The following ALLC variants were observed in gnomAD, a reference collection of about 807,000 sequenced individuals.
The protein encoded by ALLC is allantoicase.
Under a neutral mutation model 45.0 loss-of-function variants are expected in ALLC, and 40 were observed. The ratio of observed to expected loss-of-function variants is 0.89; its 90% confidence interval spans 0.69 to 1.16. The LOEUF (loss-of-function observed/expected upper bound fraction) is 1.16. Ranked by LOEUF, ALLC falls within the 50% of genes most tolerant of loss-of-function variation. The pLI, the probability that ALLC is intolerant of heterozygous loss-of-function variation, is 0.00. For missense variants in ALLC, 488 were observed against 493.1 expected, an observed-to-expected ratio of 0.99 and a Z score of 0.10; for synonymous variants, 176 against 178.1, an observed-to-expected ratio of 0.99 and a Z score of 0.09.
At chr2:3,675,275 C>T (rs187803035) in intron 3 of ALLC, among the ~76,000 whole-genome samples, 227 of 151,786 alleles carry the variant, frequency 1.5e-3, no homozygotes, top group Non-Finnish European at 2.8e-3. Flanking sequence ...CTGTAGTCCC[C>T]GCTACTCAGA....
intron 7 of ALLC, among the ~76,000 whole-genome samples, chr2:3,690,460 C>G (rs1667484013): frequency 1.1e-5 from 1 of 93,462 alleles, no homozygotes; most frequent in Non-Finnish European, 2.1e-5. Context: ...CCCTCCCCTC[C>G]CTTTCCTTTC....
At chr2:3,695,695 C>T (rs1228648785) in intron 7 of ALLC, 22 bp from the exon 8 acceptor site, 1 of 1,613,758 alleles carries the variant, frequency 6.2e-7, no homozygotes, top group Non-Finnish European at 8.5e-7. Flanking sequence ...CAAACAATAA[C>T]TAAGGCACCT....
chr2:3,651,433 GTGTGTGTGT>G, the ALLC span, among the ~76,000 whole-genome samples: 10 of 60,988 alleles, frequency 1.6e-4, no homozygotes, highest in Admixed American at 4.7e-4. Context: ...GTGTGTGTGT[GTGTGTGTGT>G]TAGGAAGGGA....
At chr2:3,652,284 C>T in the ALLC span, among the ~76,000 whole-genome samples, 4,512 of 152,326 alleles carry the variant, frequency 0.03, 188 homozygotes, top group African/African-American at 0.094. Context: ...TCACTAGCTT[C>T]CTGTGCAGAG....
chr2:3,669,057 C>G (rs1352547130), intron 1 of ALLC, among the ~76,000 whole-genome samples: 1 of 152,112 alleles, frequency 6.6e-6, no homozygotes, highest in African/African-American at 2.4e-5. Flanking sequence ...ATAATTCCGG[C>G]CAGGCACAGT....
At chr2:3,674,049 CTTT>C in intron 2 of ALLC, 23 bp from the exon 3 acceptor site, 1 of 794,052 alleles carries the variant, frequency 1.3e-6, no homozygotes, top group Non-Finnish European at 1.8e-6. Flanking sequence ...GTTGCTTTAT[CTTT>C]CTTTCTTTCT....
At chr2:3,676,928 C>T (rs543070033) in intron 3 of ALLC, among the ~76,000 whole-genome samples, 20 of 152,200 alleles carry the variant, frequency 1.3e-4, no homozygotes, top group Non-Finnish European at 2.1e-4. Flanking sequence ...GCTGGGACTA[C>T]AGGCACCCGC....
chr2:3,683,200 T>G, intron 7 of ALLC, 126 bp downstream of exon 7: 1 of 1,089,734 alleles, frequency 9.2e-7, no homozygotes, highest in Non-Finnish European at 1.3e-6. Context: ...TTCAGGATTG[T>G]AATTTCTCCT....
the ALLC span, among the ~76,000 whole-genome samples, chr2:3,652,729 T>C: frequency 6.6e-6 from 1 of 151,886 alleles, no homozygotes; most frequent in African/African-American, 2.4e-5. Flanking sequence ...ACTATAGGCG[T>C]GTGCCACATG....
chr2:3,695,804 CCAT>C lies in ALLC; in HGVS notation c.601_603del (p.Ile201del), dbSNP rs1553367066. On this transcript the variant is annotated inframe_deletion, in exon 8 of 12. Coordinates refer to ENST00000252505, the MANE Select transcript of ALLC (RefSeq NM_018436.4). Reference sequence around the variant, plus strand: ...CCCAAAGAACCTGCAGACCTAGTGGCCATCGCTTTTGGGGGTGTCTGTGTAGGA... The same window carrying C: ...CCCAAAGAACCTGCAGACCTAGTGGCCGCTTTTGGGGGTGTCTGTGTAGGA... 2 of 1,613,952 alleles carry C rather than the reference CCAT, an allele frequency of 1.2e-6. No individual in the cohort carries two copies. Among genetic ancestry groups the C allele is most frequent in the Non-Finnish European group, 1.7e-6 (2 of 1,179,880 alleles).
In ALLC at chr2:3,697,621, GTCTATCTATCTATCTA is replaced by G. The variant is rs201211524; in HGVS notation, c.850+197_850+212del. On this transcript the variant is annotated intron_variant, in intron 10 of 11. Transcript: ENST00000252505. Reference sequence around the variant, plus strand: ...TTAACCCTTAGAACTCTGTCTGTCTGTCTATCTATCTATCTATCTATCTATCTATCTATCTATCTAT... The same window carrying G: ...TTAACCCTTAGAACTCTGTCTGTCTGTCTATCTATCTATCTATCTATCTAT... 1.6e-3 allele frequency among the ~76,000 whole-genome samples: 198 copies of G among 125,440 alleles called. 3 individuals are homozygous for G. Among genetic ancestry groups the G allele is most frequent in the African/African-American group, 4.2e-3 (150 of 36,136 alleles). 82.3% of individuals were successfully genotyped at this position (125,440 alleles called of 152,430 possible).
intron 1 of ALLC, 54 bp from the exon 2 acceptor site, chr2:3,671,042 C>A: frequency 3.9e-6 from 4 of 1,037,308 alleles, no homozygotes; most frequent in East Asian, 2.6e-5. Context: ...CTAGACGGGG[C>A]CTCACTCACT....
the ALLC span, among the ~76,000 whole-genome samples, chr2:3,652,857 C>T: frequency 6.6e-6 from 1 of 152,174 alleles, no homozygotes; most frequent in South Asian, 2.1e-4. Flanking sequence ...GCTAGGATTA[C>T]AGGCGTGAGC....
intron 3 of ALLC, among the ~76,000 whole-genome samples, chr2:3,675,720 A>G (rs1362321582): frequency 6.6e-6 from 1 of 152,220 alleles, no homozygotes; most frequent in Non-Finnish European, 1.5e-5. Flanking sequence ...GATAAATGTA[A>G]AGTTCACCGT....
intron 1 of ALLC, among the ~76,000 whole-genome samples, chr2:3,664,895 A>AG (rs1445563635): frequency 6.6e-6 from 1 of 150,980 alleles, no homozygotes; most frequent in Non-Finnish European, 1.5e-5. Flanking sequence ...AAAAAAAAAA[A>AG]CAAAACCAAA....
chr2:3,661,578 G>A (rs568861036), intron 1 of ALLC, among the ~76,000 whole-genome samples: 67 of 152,310 alleles, frequency 4.4e-4, no homozygotes, highest in Admixed American at 1.2e-3. Context: ...AAGTGTCCTG[G>A]GCTTGTGAAC....
intron 1 of ALLC, among the ~76,000 whole-genome samples, chr2:3,669,182 C>G (rs1413103360): frequency 6.6e-6 from 1 of 150,914 alleles, no homozygotes; most frequent in African/African-American, 2.4e-5. Context: ...ACTAAAAATA[C>G]AGTAATTCCG....
chr2:3,693,964 G>T (rs1014245016), intron 7 of ALLC, among the ~76,000 whole-genome samples: 8 of 152,020 alleles, frequency 5.3e-5, no homozygotes, highest in African/African-American at 1.9e-4. Context: ...TTCCAGCCTG[G>T]GCAACCAGAG....
intron 7 of ALLC, chr2:3,694,931 T>G (rs957067275): frequency 6.6e-6 from 1 of 152,244 alleles, no homozygotes; most frequent in African/African-American, 2.4e-5. Context: ...TGAGTTGATT[T>G]TGGTAGCTAT....
Sources: allele counts gnomAD v4.1 joint callset (sites outside exome capture counted in the v4.1 genomes callset), GRCh38; gene constraint gnomAD v4.1.1; transcripts MANE v1.5; gene names NCBI Gene and HGNC (gene_info 2026-07-23, HGNC 2026-07-21).